SND1: variants seen among roughly 807,000 people sequenced by gnomAD.
The protein encoded by SND1 is staphylococcal nuclease and tudor domain containing 1.
In SND1, 38 loss-of-function variants were observed where a neutral mutation model predicts 121.7. The observed-to-expected ratio is 0.31, with a 90% confidence interval of 0.24 to 0.41. The LOEUF is 0.41. SND1 is among the 10% of genes least tolerant of loss of function. SND1 has a pLI of 1.00. For missense variants in SND1, 868 were observed against 1,184.6 expected (o/e 0.73, Z 3.92); for synonymous variants, 401 against 447.4 (o/e 0.90, Z 1.31).
At chr7:128,038,678 A>G (rs1347157865) in intron 16 of SND1, among the ~76,000 whole-genome samples, 1 of 145,654 alleles carries the variant, frequency 6.9e-6, no homozygotes, top group East Asian at 1.9e-4. Flanking sequence ...TTTAACAGTT[A>G]CTGGGTTGGG....
intron 10 of SND1, among the ~76,000 whole-genome samples, chr7:127,758,852 T>A (rs1189663184): frequency 6.6e-6 from 1 of 152,008 alleles, no homozygotes; most frequent in Non-Finnish European, 1.5e-5. Context: ...CCCAGAAATT[T>A]GAGACCAGCC....
Position 127,810,509 on chromosome 7 carries a change from C to T in SND1, c.1242+2936C>T, listed in dbSNP as rs190376275. Among the ~76,000 whole-genome samples the T allele has an allele frequency of 6.8e-4, 104 of 152,314 alleles. No individual in the cohort carries two copies. In the East Asian group the frequency reaches 0.015, roughly 21 times the overall value. On this transcript the variant is annotated intron_variant, in intron 11 of 23. Coordinates refer to ENST00000354725, the MANE Select transcript of SND1 (RefSeq NM_014390.4). The stretch of plus-strand genomic sequence containing the variant: ...TTTTGTGTTAATTTCTTCACAGGCT[C>T]ATCATGAAATGGAATTTGTAATAAC...
chr7:128,084,826 C>T lies in SND1; in HGVS notation c.2213C>T (p.Ala738Val). 1 of 1,599,088 alleles carries T rather than the reference C, an allele frequency of 6.3e-7. No individual in the cohort carries two copies. The highest frequency in any genetic ancestry group is 8.5e-7 in the Non-Finnish European group (1 of 1,169,794). Residue 738 changes from alanine (A) to valine (V), a missense_variant, in exon 19 of 24, where the codon GCC becomes GTC. By Grantham distance (64) the Ala-to-Val change is moderately conservative. Coordinates refer to ENST00000354725, the MANE Select transcript of SND1 (RefSeq NM_014390.4). ...CCCCGCAGGGGAGAGTTCTGCATTG[C>T]CAAATTTGTAGATGGAGAATGGTAA... ...YAPRRGEFCI[A>V]KFVDGEWYRA...
chr7:127,994,944 G>A lies in SND1; in HGVS notation c.1779+3888G>A, dbSNP rs530378894. On this transcript the variant is annotated intron_variant, in intron 16 of 23. Coordinates refer to ENST00000354725, the MANE Select transcript of SND1 (RefSeq NM_014390.4). ...TCACCATATTGGCCAGGCTGGTCTC[G>A]AACTCCTGACCTTGTGATCTGCCTA... Among the ~76,000 whole-genome samples the A allele has an allele frequency of 6.6e-5, 10 of 151,892 alleles. No homozygotes were observed. In the East Asian group the frequency reaches 7.7e-4, roughly 12 times the overall value.
At chr7:127,798,378 C>T (rs1348189920) in intron 10 of SND1, among the ~76,000 whole-genome samples, 1 of 152,190 alleles carries the variant, frequency 6.6e-6, no homozygotes, top group Non-Finnish European at 1.5e-5. Context: ...CAAGACATGC[C>T]TACTCTTGCC....
chr7:127,785,050 G>T (rs1239844208), intron 10 of SND1, among the ~76,000 whole-genome samples: 1 of 152,122 alleles, frequency 6.6e-6, no homozygotes, highest in Non-Finnish European at 1.5e-5. Flanking sequence ...AGCCTCCCAA[G>T]TAGCTGGGAC....
At position 128,085,591 on chromosome 7, in the gene SND1, T is replaced by C; in HGVS notation, c.2235-120T>C. 1 of 830,484 alleles carries C rather than the reference T, an allele frequency of 1.2e-6. No homozygotes were observed. Among genetic ancestry groups the C allele is most frequent in the South Asian group, 1.5e-5 (1 of 67,078 alleles). 51.4% of individuals were successfully genotyped at this position (830,484 alleles called of 1,614,324 possible). On this transcript the variant is annotated intron_variant, in intron 19 of 23. Coordinates refer to ENST00000354725, the MANE Select transcript of SND1 (RefSeq NM_014390.4). This position sits in a 1 kb window ranked among gnomAD's most constrained non-coding sequence, Gnocchi z 4.4. Reference sequence around the variant, plus strand: ...TAGATGGAGTGCAGTTACTGTCCCCTGTGACACCCGTTGAACCCAGGCAGG... The same window carrying C: ...TAGATGGAGTGCAGTTACTGTCCCCCGTGACACCCGTTGAACCCAGGCAGG...
intron 16 of SND1, among the ~76,000 whole-genome samples, chr7:128,038,269 T>A (rs1792788369): frequency 6.6e-6 from 1 of 152,180 alleles, no homozygotes; most frequent in South Asian, 2.1e-4. Flanking sequence ...CGTGTCTGTG[T>A]ATGTGGATGC....
intron 1 of SND1, among the ~76,000 whole-genome samples, chr7:127,680,136 A>T (rs1045358945): frequency 1.1e-4 from 17 of 152,288 alleles, no homozygotes; most frequent in Middle Eastern, 3.4e-3. Flanking sequence ...GCAAGTTTTT[A>T]TTAGGGATTT....
chr7:127,887,359 C>A (rs898264806), intron 12 of SND1, among the ~76,000 whole-genome samples: 1 of 151,942 alleles, frequency 6.6e-6, no homozygotes, highest in Non-Finnish European at 1.5e-5. Context: ...ATAGTCTTAT[C>A]TTTTCCAAGC....
At chr7:127,699,513 T>C (rs1312877344) in intron 4 of SND1, among the ~76,000 whole-genome samples, 1 of 152,178 alleles carries the variant, frequency 6.6e-6, no homozygotes, top group African/African-American at 2.4e-5. Flanking sequence ...CAGGAAAAAT[T>C]TATATCTCTT....
At chr7:127,920,915 G>A (rs983520346) in intron 14 of SND1, among the ~76,000 whole-genome samples, 4 of 149,800 alleles carry the variant, frequency 2.7e-5, no homozygotes, top group Admixed American at 2.0e-4. Context: ...ATTTTCTGTC[G>A]ATGATAAAAT....
At chr7:127,869,732 A>G (rs1022194657) in intron 12 of SND1, among the ~76,000 whole-genome samples, 1 of 152,138 alleles carries the variant, frequency 6.6e-6, no homozygotes, top group African/African-American at 2.4e-5. Context: ...CATTTTATCA[A>G]CTGTCGATTC....
At position 127,856,473 on chromosome 7, in the gene SND1, T is replaced by A. The variant is rs548086048; in HGVS notation, c.1343+12049T>A. Among the ~76,000 whole-genome samples the A allele has an allele frequency of 9.8e-5, 15 of 152,318 alleles. No homozygotes were observed. In the South Asian group the frequency reaches 1.7e-3, roughly 17 times the overall value. ...TTAATTTTTCTGCCTTTAGTGAAAA[T>A]GTGTTTTAAACAGGGAAACAAAAGG... On this transcript the variant is annotated intron_variant, in intron 12 of 23. Coordinates refer to ENST00000354725, the MANE Select transcript of SND1 (RefSeq NM_014390.4).
At chr7:127,719,508 A>C (rs915020475) in intron 9 of SND1, among the ~76,000 whole-genome samples, 2 of 152,014 alleles carry the variant, frequency 1.3e-5, no homozygotes, top group Admixed American at 6.6e-5. Flanking sequence ...GATTACCATT[A>C]ATCTTCATGT....
chr7:127,887,595 A>G (rs568823756), intron 12 of SND1, among the ~76,000 whole-genome samples: 7 of 151,626 alleles, frequency 4.6e-5, no homozygotes. Context: ...TGGCTTGTTT[A>G]TAACATTCTG....
Position 127,708,881 on chromosome 7 carries a change from C to T in SND1, c.1038+1234C>T, listed in dbSNP as rs1261678824. Among the ~76,000 whole-genome samples the T allele has an allele frequency of 2.6e-5, 4 of 152,302 alleles. No homozygotes were observed. The East Asian group carries it at 5.8e-4, about 22-fold the overall frequency. On this transcript the variant is annotated intron_variant, in intron 9 of 23. Coordinates refer to ENST00000354725, the MANE Select transcript of SND1 (RefSeq NM_014390.4). ...GGACTGAGAGGTTCTGTCTCCCTGT[C>T]AACTAACCATGAGTTTAGGATGGAA...
At chr7:127,994,347 C>A (rs1364266871) in intron 16 of SND1, among the ~76,000 whole-genome samples, 1 of 151,938 alleles carries the variant, frequency 6.6e-6, no homozygotes, top group Non-Finnish European at 1.5e-5. Context: ...CCTCCTTAGC[C>A]ATTGGTTCCT....
intron 16 of SND1, among the ~76,000 whole-genome samples, chr7:128,023,501 T>G (rs1396058044): frequency 6.6e-6 from 1 of 152,194 alleles, no homozygotes; most frequent in Non-Finnish European, 1.5e-5. Context: ...TTTACTTTCT[T>G]CTGGCTCACC....
Sources: gnomAD v4.1 joint callset for allele counts (sites outside exome capture counted in the v4.1 genomes callset) on GRCh38, gnomAD v4.1.1 for gene constraint, Gnocchi (gnomAD v3.1) non-coding constraint, MANE v1.5 for transcripts, NCBI Gene and HGNC (gene_info 2026-07-23, HGNC 2026-07-21) for gene names.